MRPL10: variants seen among roughly 807,000 people sequenced by gnomAD.
The protein encoded by MRPL10 is large ribosomal subunit protein uL10m.
A neutral mutation model predicts 19.8 loss-of-function variants in MRPL10; 14 were observed. That is an observed-to-expected ratio of 0.71 (90% CI 0.47 to 1.11). The LOEUF (loss-of-function observed/expected upper bound fraction) is 1.11. Among genes scored for constraint, MRPL10 ranks in the 50% least tolerant of loss-of-function variants. The pLI, the probability that MRPL10 is intolerant of heterozygous loss-of-function variation, is 0.00. For missense variants in MRPL10, 318 were observed against 339.6 expected, an observed-to-expected ratio of 0.94 and a Z score of 0.50; for synonymous variants, 129 against 139.2, an observed-to-expected ratio of 0.93 and a Z score of 0.52.
intron 3 of MRPL10, 86 bp from the exon 4 acceptor site, chr17:47,826,867 G>T: frequency 6.4e-7 from 1 of 1,570,648 alleles, no homozygotes; most frequent in Non-Finnish European, 8.7e-7. Flanking sequence ...TAGGCTGAGG[G>T]TGCAACCCAA....
chr17:47,831,500 G>T lies in MRPL10; in HGVS notation c.12C>A (p.Ala4=), dbSNP rs971477336. MAA[A]VAGMLRGGLL... is the part of the protein sequence containing the mutation. The stretch of plus-strand genomic sequence containing the variant: ...GACCCCCTCGCAGCATCCCCGCCAC[G>T]GCCGCAGCCATCTCCACCGGAAGAA... Residue 4 remains alanine, a synonymous_variant, in exon 1 of 5, where the codon GCC becomes GCA. Transcript: ENST00000351111. 6 of 1,550,026 alleles carry T rather than the reference G, an allele frequency of 3.9e-6. No homozygotes were observed. In the African/African-American group the frequency reaches 5.5e-5, roughly 14 times the overall value.
At chr17:47,826,042 G>GA (rs2143586938) in intron 4 of MRPL10, among the ~76,000 whole-genome samples, 1 of 151,180 alleles carries the variant, frequency 6.6e-6, no homozygotes, top group Non-Finnish European at 1.5e-5. Flanking sequence ...AGCTACTCAG[G>GA]AGGCTGAGGC....
In MRPL10 at chr17:47,828,531, G is replaced by A. The variant is rs141048112; in HGVS notation, c.192C>T (p.Cys64=). 1.8e-4 allele frequency: 268 copies of A among 1,461,174 alleles called. 1 individual carries two copies. In the African/African-American group the frequency reaches 3.4e-3, roughly 19 times the overall value. The allele number at this position is 1,461,174 out of a possible 1,614,324, so 90.5% of individuals were successfully genotyped here. ...IPPKPAIHPS[C]LPSPPSPPQE... is the part of the protein sequence containing the mutation. ...GTGGGGGGCTGGGAGGAGATGGCAG[G>A]CATGATGGGTGGATGGCTGGTTTCG... The change falls in exon 2 of 5, where the codon TGC becomes TGT. Residue 64 remains cysteine (C), a synonymous_variant. Transcript: ENST00000351111.
In MRPL10 at chr17:47,824,473, G is replaced by T. The variant is rs2033498089; in HGVS notation, c.533-15C>A. The T allele has an allele frequency of 6.6e-7, 1 of 1,520,492 alleles. No homozygotes were observed. 94.2% of individuals were successfully genotyped at this position (1,520,492 alleles called of 1,614,324 possible). ...AATGCAGCCACCTGGAAGAACACAG[G>T]GTCAGTTAGGCTCCTTGCAGATTGC... On this transcript the variant is annotated splice_polypyrimidine_tract_variant and intron_variant, in intron 4 of 4. Coordinates refer to ENST00000351111, the MANE Select transcript of MRPL10 (RefSeq NM_145255.4).
intron 2 of MRPL10, among the ~76,000 whole-genome samples, chr17:47,827,688 G>A (rs941519870): frequency 6.6e-6 from 1 of 151,302 alleles, no homozygotes; most frequent in Non-Finnish European, 1.5e-5. Flanking sequence ...CTTGAGGTCA[G>A]GAGTTCGAGA....
At chr17:47,826,577 T>A in intron 4 of MRPL10, 60 bp downstream of exon 4, 1 of 1,599,302 alleles carries the variant, frequency 6.3e-7, no homozygotes, top group South Asian at 1.1e-5. Context: ...AAGACAAGCC[T>A]AGCAGATGGC....
intron 2 of MRPL10, among the ~76,000 whole-genome samples, chr17:47,827,436 G>A (rs1228235188): frequency 2.0e-5 from 3 of 152,128 alleles, no homozygotes; most frequent in Non-Finnish European, 2.9e-5. Flanking sequence ...TTTCAAACCT[G>A]AGGATGCTCA....
rs971477336 is a variant in MRPL10, at chr17:47,831,500, G to C, written c.12C>G (p.Ala4=). The change falls in exon 1 of 5, where the codon GCC becomes GCG. Residue 4 remains alanine (A), a synonymous_variant. Transcript: ENST00000351111. ...GACCCCCTCGCAGCATCCCCGCCAC[G>C]GCCGCAGCCATCTCCACCGGAAGAA... MAA[A]VAGMLRGGLL... is the part of the protein sequence containing the mutation. 1.9e-6 allele frequency: 3 copies of C among 1,550,026 alleles called. No homozygotes were observed. The highest frequency in any genetic ancestry group is 2.7e-5 in the African/African-American group (2 of 73,024).
Position 47,828,485 on chromosome 17 carries a change from C to A in MRPL10, c.222+16G>T. The A allele has an allele frequency of 7.1e-7, 1 of 1,400,750 alleles. No homozygotes were observed. The allele number at this position is 1,400,750 out of a possible 1,614,324, so 86.8% of individuals were successfully genotyped here. ...CATCCCACCACCAAGTGACATGTAC[C>A]CAAATTCCTCCTTACCTCCTGTGGG... On this transcript the variant is annotated intron_variant, in intron 2 of 4. Coordinates refer to ENST00000351111, the MANE Select transcript of MRPL10 (RefSeq NM_145255.4).
Position 47,826,487 on chromosome 17 carries a change from T to C in MRPL10, c.532+150A>G. ...GACAACACAGGTGTGGGAGTGACAG[T>C]CGGCCCTCAATAAATGTGCTGTTTA... is the stretch of plus-strand genomic sequence containing the variant. On this transcript the variant is annotated intron_variant, in intron 4 of 4. Transcript: ENST00000351111. 2.2e-6 allele frequency: 2 copies of C among 923,460 alleles called. 1 individual carries two copies. The highest frequency in any genetic ancestry group is 3.3e-5 in the South Asian group (2 of 59,728). The allele number at this position is 923,460 out of a possible 1,614,324, so 57.2% of individuals were successfully genotyped here.
intron 2 of MRPL10, 123 bp downstream of exon 2, chr17:47,828,378 G>C: frequency 1.5e-6 from 1 of 668,590 alleles, no homozygotes; most frequent in Non-Finnish European, 2.3e-6. Context: ...GGATCAGGCA[G>C]TCAAACTGAA....
intron 3 of MRPL10, 78 bp downstream of exon 3, chr17:47,826,962 G>T: frequency 6.7e-7 from 1 of 1,502,146 alleles, no homozygotes; most frequent in Non-Finnish European, 9.1e-7. Context: ...ATCATCACTG[G>T]GGAGCAGATG....
chr17:47,828,028 C>A (rs1183350648), intron 2 of MRPL10, among the ~76,000 whole-genome samples: 3 of 151,404 alleles, frequency 2.0e-5, no homozygotes, highest in Non-Finnish European at 1.5e-5. Context: ...CATGGTGACA[C>A]CCTGTCTCTA....
At chr17:47,824,746 G>A (rs2089549255) in intron 4 of MRPL10, among the ~76,000 whole-genome samples, 1 of 152,186 alleles carries the variant, frequency 6.6e-6, no homozygotes, top group African/African-American at 2.4e-5. Context: ...AGGTGTGGTG[G>A]CTCATGCCTG....
chr17:47,827,880 G>A (rs1205468770), intron 2 of MRPL10, among the ~76,000 whole-genome samples: 2 of 95,898 alleles, frequency 2.1e-5, no homozygotes, highest in Non-Finnish European at 3.7e-5. Flanking sequence ...CTGGGTGACA[G>A]AGACTCTGTC....
rs542517845 is a variant in MRPL10, at chr17:47,823,428, G to C, written c.*777C>G. On this transcript the variant is annotated 3_prime_UTR_variant, in exon 5 of 5. Transcript: ENST00000351111. ...GCCCCTGAGAGTAAGTTTAGAGGGA[G>C]GACAACCGTGTAAACCACAAAATAA... The C allele has an allele frequency of 7.2e-5, 11 of 152,210 alleles. No homozygotes were observed. The highest frequency in any genetic ancestry group is 2.6e-4 in the African/African-American group (11 of 41,548). 9.4% of individuals were successfully genotyped at this position (152,210 alleles called of 1,614,324 possible).
At chr17:47,830,094 G>A (rs577334007) in intron 1 of MRPL10, among the ~76,000 whole-genome samples, 1 of 152,148 alleles carries the variant, frequency 6.6e-6, no homozygotes, top group Non-Finnish European at 1.5e-5. Context: ...TGATGCTGAC[G>A]CATGCTAAAG....
chr17:47,829,470 A>G (rs1204988753), intron 1 of MRPL10: 1 of 152,252 alleles, frequency 6.6e-6, no homozygotes, highest in Non-Finnish European at 1.5e-5. Flanking sequence ...CTATGTACCA[A>G]TAGAATTTTA....
intron 2 of MRPL10, 71 bp from the exon 3 acceptor site, chr17:47,827,275 G>A (rs2033550353): frequency 7.0e-7 from 1 of 1,420,510 alleles, no homozygotes; most frequent in South Asian, 1.3e-5. Flanking sequence ...TCCCTCTGTG[G>A]TAGGTTCTAG....
Sources: allele counts gnomAD v4.1 joint callset (sites outside exome capture counted in the v4.1 genomes callset), GRCh38; gene constraint gnomAD v4.1.1; transcripts MANE v1.5; gene names NCBI Gene and HGNC (gene_info 2026-07-23, HGNC 2026-07-21).